Variants in LRSAM1 observed in about 807,000 individuals in gnomAD.
The protein encoded by LRSAM1 is leucine rich repeat and sterile alpha motif containing 1.
LRSAM1 carries 96 observed loss-of-function variants against 118.1 expected under a neutral mutation model. That is an observed-to-expected ratio of 0.81 (90% CI 0.69 to 0.96). The LOEUF is 0.96. Among genes scored for constraint, LRSAM1 ranks in the 40% least tolerant of loss-of-function variants. LRSAM1 has a pLI of 0.00. For synonymous variants in LRSAM1, 322 were observed against 364.2 expected (o/e 0.88, Z 1.32); for missense variants, 804 against 915.5 (o/e 0.88, Z 1.57).
At chr9:127,470,508 C>G (rs1033793315) in intron 10 of LRSAM1, among the ~76,000 whole-genome samples, 3 of 152,020 alleles carry the variant, frequency 2.0e-5, no homozygotes, top group African/African-American at 2.4e-5. Context: ...CAGAGCCAGA[C>G]CATATCAATG....
intron 11 of LRSAM1, among the ~76,000 whole-genome samples, chr9:127,478,714 C>T (rs1835424302): frequency 6.6e-6 from 1 of 152,206 alleles, no homozygotes; most frequent in Non-Finnish European, 1.5e-5. Flanking sequence ...GCCATGCACA[C>T]AGTGACAGCC....
intron 7 of LRSAM1, among the ~76,000 whole-genome samples, chr9:127,460,246 C>T (rs1834683539): frequency 1.3e-5 from 2 of 152,026 alleles, no homozygotes; most frequent in African/African-American, 2.4e-5. Context: ...GATCCACCCA[C>T]CTCAGCCTCC....
chr9:127,457,296 C>G lies in LRSAM1; in HGVS notation c.175-20C>G, dbSNP rs1477956626. On this transcript the variant is annotated intron_variant, in intron 5 of 25. Transcript: ENST00000300417. ...GCTGCTCTTCCTCAGCCCAGCATGG[C>G]CGCACATCTCTCCACACAGGTGCTG... The G allele has an allele frequency of 1.9e-6, 3 of 1,613,668 alleles. No individual in the cohort carries two copies. Among genetic ancestry groups the G allele is most frequent in the Non-Finnish European group, 2.5e-6 (3 of 1,179,992 alleles).
At position 127,466,400 on chromosome 9, in the gene LRSAM1, AT is replaced by A. The variant is rs558382961; in HGVS notation, c.529-1333del. On this transcript the variant is annotated intron_variant, in intron 9 of 25. Coordinates refer to ENST00000300417, the MANE Select transcript of LRSAM1 (RefSeq NM_001005373.4). ...TTTTAGTTTGATAGATATCCCTCCA[AT>A]TTTTTTCTATAAAATATGAATGTGA... is the stretch of plus-strand genomic sequence containing the variant. Among the ~76,000 whole-genome samples, 466 of 146,850 alleles carry A rather than the reference AT, an allele frequency of 3.2e-3. 1 individual carries two copies. Among genetic ancestry groups the A allele is most frequent in the African/African-American group, 0.011 (446 of 39,666 alleles).
intron 9 of LRSAM1, among the ~76,000 whole-genome samples, chr9:127,466,512 T>A (rs1256271935): frequency 7.8e-3 from 533 of 68,394 alleles, no homozygotes; most frequent in African/African-American, 0.019. Flanking sequence ...ATATTTTTTT[T>A]TTTTTTTTTT....
At chr9:127,472,678 T>C (rs538445367) in intron 10 of LRSAM1, among the ~76,000 whole-genome samples, 35 of 152,164 alleles carry the variant, frequency 2.3e-4, no homozygotes, top group African/African-American at 7.9e-4. Flanking sequence ...AAATAAACAT[T>C]AAAGAAACCA....
intron 16 of LRSAM1, among the ~76,000 whole-genome samples, chr9:127,485,455 G>T (rs1835694452): frequency 6.6e-6 from 1 of 152,150 alleles, no homozygotes; most frequent in African/African-American, 2.4e-5. Flanking sequence ...TACTCGGGAG[G>T]CTGAGGAGGA....
chr9:127,455,513 C>A, intron 4 of LRSAM1, 63 bp from the exon 5 acceptor site: 1 of 1,543,184 alleles, frequency 6.5e-7, no homozygotes, highest in Non-Finnish European at 9.0e-7. Context: ...GTGAATGCCA[C>A]TCAGAGAACA....
chr9:127,453,229 A>G (rs1588088594), intron 2 of LRSAM1, among the ~76,000 whole-genome samples: 1 of 152,206 alleles, frequency 6.6e-6, no homozygotes, highest in Middle Eastern at 3.4e-3. Flanking sequence ...CTACAGGCGC[A>G]TATCACCACG....
At chr9:127,479,805 C>T (rs373871150) in intron 13 of LRSAM1, 34 bp from the exon 14 acceptor site, 44 of 1,607,380 alleles carry the variant, frequency 2.7e-5, no homozygotes, top group Admixed American at 6.7e-5. Context: ...CTGAGGGGGT[C>T]CCAGGGGCTC....
At chr9:127,492,701 A>G in intron 20 of LRSAM1, 101 bp from the exon 21 acceptor site, 5 of 1,088,134 alleles carry the variant, frequency 4.6e-6, no homozygotes, top group Non-Finnish European at 6.8e-6. Context: ...TTGGGCAGAG[A>G]ACCGAGTGAG....
intron 4 of LRSAM1, 117 bp from the exon 5 acceptor site, chr9:127,455,459 G>T: frequency 9.7e-7 from 1 of 1,030,150 alleles, no homozygotes; most frequent in Non-Finnish European, 1.5e-6. Context: ...GCCACCTGCT[G>T]TGGCGTTTTG....
At position 127,465,455 on chromosome 9, in the gene LRSAM1, A is replaced by G. The variant is rs1834891537; in HGVS notation, c.529-2285A>G. The stretch of plus-strand genomic sequence containing the variant: ...TGTAGCCAGCATCCTGGTATAGCCC[A>G]CAGTCCGTGCCCTTAAGCCACCACG... On this transcript the variant is annotated intron_variant, in intron 9 of 25. Transcript: ENST00000300417. The surrounding 1 kb of genome is among the most constrained non-coding windows in gnomAD (Gnocchi z 4.1). Among the ~76,000 whole-genome samples, 1 of 152,252 alleles carries G rather than the reference A, an allele frequency of 6.6e-6. No individual in the cohort carries two copies. Among genetic ancestry groups the G allele is most frequent in the African/African-American group, 2.4e-5 (1 of 41,460 alleles).
At chr9:127,496,170 T>C in intron 23 of LRSAM1, 75 bp downstream of exon 23, 1 of 1,586,444 alleles carries the variant, frequency 6.3e-7, no homozygotes, top group Non-Finnish European at 8.5e-7. Flanking sequence ...GTTGATCTGC[T>C]CCTTGTGTAG....
At chr9:127,496,263 C>A (rs1244839606) in intron 23 of LRSAM1, among the ~76,000 whole-genome samples, 168 bp downstream of exon 23, 1 of 152,266 alleles carries the variant, frequency 6.6e-6, no homozygotes, top group Admixed American at 6.5e-5. Context: ...TCTGCCCCAG[C>A]CGCCTGTGTG....
rs556317767 is a variant in LRSAM1 at position 127,458,147 on chromosome 9, A to G, written c.252+754A>G. Among the ~76,000 whole-genome samples, 9 of 151,216 alleles carry G rather than the reference A, an allele frequency of 6.0e-5. No homozygotes were observed. The East Asian group carries it at 9.8e-4, about 16-fold the overall frequency. ...CATAATCCTAGCACTTTGGGAGGCC[A>G]AGGCGGGTGGGTCACTTGAGGTCAG... On this transcript the variant is annotated intron_variant, in intron 6 of 25. Coordinates refer to ENST00000300417, the MANE Select transcript of LRSAM1 (RefSeq NM_001005373.4).
rs538927179 is a variant in LRSAM1 at position 127,452,887 on chromosome 9, G to T, written c.-33+803G>T. Among the ~76,000 whole-genome samples the T allele has an allele frequency of 2.0e-5, 3 of 152,272 alleles. No homozygotes were observed. The South Asian group carries it at 6.2e-4, about 32-fold the overall frequency. On this transcript the variant is annotated intron_variant, in intron 2 of 25. Transcript: ENST00000300417. ...TCTGGTATTTACAGACACTGTGCAG[G>T]CCCTGGGCAGGCAGTGAGCACCTGG... is the stretch of plus-strand genomic sequence containing the variant.
At chr9:127,463,551 C>T (rs929346840) in intron 9 of LRSAM1, among the ~76,000 whole-genome samples, 2 of 152,124 alleles carry the variant, frequency 1.3e-5, no homozygotes, top group Non-Finnish European at 2.9e-5. Context: ...GTGTACATGT[C>T]CGGGTCCAAA....
chr9:127,484,263 C>CTTTTTTTTTTTTTTTTTTTCT (rs35834839), intron 16 of LRSAM1, among the ~76,000 whole-genome samples: 2 of 133,684 alleles, frequency 1.5e-5, no homozygotes, highest in East Asian at 2.1e-4. Context: ...ATTTCTTTCC[C>CTTTTTTTTTTTTTTTTTTTCT]TTTTTTTTTT....
Sources: gnomAD v4.1 joint callset for allele counts (sites outside exome capture counted in the v4.1 genomes callset) on GRCh38, gnomAD v4.1.1 for gene constraint, Gnocchi (gnomAD v3.1) non-coding constraint, MANE v1.5 for transcripts, NCBI Gene and HGNC (gene_info 2026-07-23, HGNC 2026-07-21) for gene names.